Variants in TBC1D22A observed in about 807,000 individuals in gnomAD.
TBC1D22A encodes TBC1 domain family member 22A, also known as putative GTPase activator.
Under a neutral mutation model 60.2 loss-of-function variants are expected in TBC1D22A, and 38 were observed. The ratio of observed to expected loss-of-function variants is 0.63; its 90% confidence interval spans 0.49 to 0.83. TBC1D22A has a LOEUF of 0.83. Among genes scored for constraint, TBC1D22A ranks in the 40% least tolerant of loss-of-function variants. TBC1D22A has a pLI of 0.00. For missense variants in TBC1D22A, 628 were observed against 701.0 expected (o/e 0.90, Z 1.18); for synonymous variants, 302 against 281.7 (o/e 1.07, Z -0.72).
chr22:46,762,711 C>T lies in TBC1D22A; in HGVS notation c.-76C>T. 1 of 1,314,294 alleles carries T rather than the reference C, an allele frequency of 7.6e-7. No individual in the cohort carries two copies. The highest frequency in any genetic ancestry group is 9.9e-7 in the Non-Finnish European group (1 of 1,010,110). 81.4% of individuals were successfully genotyped at this position (1,314,294 alleles called of 1,614,324 possible). ...GAGCAGTGAGGGGCCACCCGGGGCA[C>T]AGGAAAGGGCCGCTAGGGGAGGGCC... On this transcript the variant is annotated 5_prime_UTR_variant, in exon 1 of 13. Coordinates refer to ENST00000337137, the MANE Select transcript of TBC1D22A (RefSeq NM_014346.5).
chr22:46,962,072 C>G (rs1418833861), intron 8 of TBC1D22A, among the ~76,000 whole-genome samples: 1 of 152,200 alleles, frequency 6.6e-6, no homozygotes, highest in African/African-American at 2.4e-5. Context: ...TGTGGCCGGC[C>G]CTCTGGTCCT....
intron 9 of TBC1D22A, among the ~76,000 whole-genome samples, chr22:46,975,294 G>C (rs572003721): frequency 5.9e-5 from 9 of 152,258 alleles, no homozygotes; most frequent in African/African-American, 2.2e-4. Context: ...TATGGCATGA[G>C]GGGACAGAAG....
chr22:47,123,624 C>T (rs1197657790), intron 12 of TBC1D22A, among the ~76,000 whole-genome samples: 2 of 152,238 alleles, frequency 1.3e-5, no homozygotes, highest in South Asian at 2.1e-4. Context: ...CTGCATTAGC[C>T]TTCGACAGGC....
intron 12 of TBC1D22A, among the ~76,000 whole-genome samples, chr22:47,133,855 C>T (rs2147123078): frequency 6.6e-6 from 1 of 152,368 alleles, no homozygotes. Flanking sequence ...CCCGGGCATC[C>T]TCGCGAGCTC....
intron 11 of TBC1D22A, among the ~76,000 whole-genome samples, chr22:47,103,203 A>G (rs960457718): frequency 2.8e-4 from 43 of 151,528 alleles, no homozygotes; most frequent in African/African-American, 9.7e-4. Context: ...TTCCATTCCT[A>G]CTCTTAGTCT....
intron 11 of TBC1D22A, among the ~76,000 whole-genome samples, chr22:47,088,098 T>TAAAA (rs66541196): frequency 6.6e-6 from 1 of 150,848 alleles, no homozygotes. Flanking sequence ...ATAATAATAA[T>TAAAA]AAATTTAAAA....
chr22:46,950,204 G>A (rs1365403217), intron 8 of TBC1D22A, among the ~76,000 whole-genome samples: 2 of 152,280 alleles, frequency 1.3e-5, no homozygotes, highest in East Asian at 3.9e-4. Flanking sequence ...GCTGATGAAA[G>A]GGTTTGCTTA....
chr22:46,824,796 T>C (rs1011182542), intron 4 of TBC1D22A, among the ~76,000 whole-genome samples: 1 of 151,902 alleles, frequency 6.6e-6, no homozygotes, highest in Non-Finnish European at 1.5e-5. Flanking sequence ...AGGAGGGCCA[T>C]CAGGAGTGGC....
chr22:46,793,926 G>C, intron 3 of TBC1D22A, 85 bp downstream of exon 3: 1 of 1,302,000 alleles, frequency 7.7e-7, no homozygotes, highest in South Asian at 1.5e-5. Context: ...GGGAGAATCA[G>C]TGGGTTCCCA....
At chr22:46,792,821 G>T (rs1341856452) in intron 2 of TBC1D22A, 2 of 1,442,200 alleles carry the variant, frequency 1.4e-6, no homozygotes, top group Admixed American at 5.5e-5. Flanking sequence ...GAGCCCTGGG[G>T]AGAGCCAGGA....
chr22:46,879,392 A>G (rs2067738052), intron 5 of TBC1D22A, among the ~76,000 whole-genome samples: 1 of 152,154 alleles, frequency 6.6e-6, no homozygotes, highest in African/African-American at 2.4e-5. Context: ...CCATTTCAGA[A>G]TTGTTTATAG....
chr22:46,789,056 G>C (rs1305490890), intron 1 of TBC1D22A: 1 of 163,792 alleles, frequency 6.1e-6, no homozygotes, highest in Non-Finnish European at 1.3e-5. Context: ...TGTTTTGTTT[G>C]TCTCAACCTT....
chr22:46,861,470 G>A (rs1040617107), intron 4 of TBC1D22A, among the ~76,000 whole-genome samples: 1 of 152,206 alleles, frequency 6.6e-6, no homozygotes, highest in Non-Finnish European at 1.5e-5. Context: ...TCAGGTGGCC[G>A]GAGACCCCAG....
chr22:46,789,714 A>T (rs938896468), intron 1 of TBC1D22A, among the ~76,000 whole-genome samples: 9 of 152,256 alleles, frequency 5.9e-5, no homozygotes, highest in African/African-American at 9.6e-5. Flanking sequence ...AACGTTAAAG[A>T]TGATGTTCTC....
At chr22:46,903,814 A>T (rs2069185878) in intron 7 of TBC1D22A, among the ~76,000 whole-genome samples, 1 of 152,188 alleles carries the variant, frequency 6.6e-6, no homozygotes, top group Non-Finnish European at 1.5e-5. Flanking sequence ...TGTCTAAGGC[A>T]GCAGTGGAGG....
intron 4 of TBC1D22A, among the ~76,000 whole-genome samples, chr22:46,870,656 TC>T (rs1300640298): frequency 6.6e-6 from 1 of 152,174 alleles, no homozygotes; most frequent in Non-Finnish European, 1.5e-5. Flanking sequence ...ATTCCGTCTC[TC>T]CCAGTTTCGG....
At chr22:46,775,247 C>T (rs938127262) in intron 1 of TBC1D22A, among the ~76,000 whole-genome samples, 8 of 152,192 alleles carry the variant, frequency 5.3e-5, no homozygotes, top group African/African-American at 1.2e-4. Context: ...CTTGTTTTCA[C>T]GTGAATGTGT....
intron 6 of TBC1D22A, among the ~76,000 whole-genome samples, chr22:46,893,337 A>G (rs1322558402): frequency 6.6e-6 from 1 of 151,994 alleles, no homozygotes; most frequent in Non-Finnish European, 1.5e-5. Flanking sequence ...TCTGTGTATG[A>G]TGGGAGGCAG....
At position 47,105,236 on chromosome 22, in the gene TBC1D22A, T is replaced by TA. The variant is rs1365172736; in HGVS notation, c.1330-6272_1330-6271insA. On this transcript the variant is annotated intron_variant, in intron 11 of 12. Coordinates refer to ENST00000337137, the MANE Select transcript of TBC1D22A (RefSeq NM_014346.5). ...TTTAAGATTCTTGAAATGAGTGGAT[T>TA]TAAAAAAAAAATAATAGGGCAGAGC... 5.6e-4 allele frequency among the ~76,000 whole-genome samples: 84 copies of TA among 150,474 alleles called. 1 individual carries two copies. Among genetic ancestry groups the TA allele is most frequent in the African/African-American group, 1.9e-3 (78 of 41,100 alleles).
Sources: allele counts gnomAD v4.1 joint callset (sites outside exome capture counted in the v4.1 genomes callset), GRCh38; gene constraint gnomAD v4.1.1; transcripts MANE v1.5; gene names NCBI Gene and HGNC (gene_info 2026-07-23, HGNC 2026-07-21).